Variants in IGLON5 observed in about 807,000 individuals in gnomAD.
IGLON5 encodes the protein IgLON family member 5, also known as Ig-like domain-containing protein ENSP00000270642.
A neutral mutation model predicts 38.2 loss-of-function variants in IGLON5; 16 were observed. The observed-to-expected ratio is 0.42, with a 90% CI of 0.28 to 0.64. The LOEUF (loss-of-function observed/expected upper bound fraction) is 0.64, where lower values mean the gene tolerates loss of function less well. IGLON5 is among the 30% of genes least tolerant of loss of function. The probability of loss-of-function intolerance (pLI) is 0.23; values close to 1 mark genes in which losing one functional copy is unlikely to be tolerated. For missense variants in IGLON5, 366 were observed against 483.4 expected, an observed-to-expected ratio of 0.76 and a Z score of 2.28; for synonymous variants, 207 against 216.4, an observed-to-expected ratio of 0.96 and a Z score of 0.38.
intron 1 of IGLON5, among the ~76,000 whole-genome samples, chr19:51,321,605 T>C (rs1031006285): frequency 2.0e-5 from 3 of 152,248 alleles, no homozygotes; most frequent in Non-Finnish European, 4.4e-5. Flanking sequence ...GTATGTCTTA[T>C]GTGTACATGT....
chr19:51,322,019 G>A, intron 1 of IGLON5, 45 bp from the exon 2 acceptor site: 1 of 1,514,986 alleles, frequency 6.6e-7, no homozygotes, highest in Non-Finnish European at 9.1e-7. Context: ...CCATGCCCGG[G>A]CCTTGCCTGA....
At chr19:51,320,237 A>T (rs1346805603) in intron 1 of IGLON5, among the ~76,000 whole-genome samples, 1 of 152,182 alleles carries the variant, frequency 6.6e-6, no homozygotes, top group Non-Finnish European at 1.5e-5. Context: ...CCCAGCCCCA[A>T]GCCCCAGAGC....
chr19:51,330,403 C>T lies in IGLON5; in HGVS notation c.*1644C>T, dbSNP rs1403713108. On this transcript the variant is annotated 3_prime_UTR_variant, in exon 8 of 8. Coordinates refer to ENST00000270642, the MANE Select transcript of IGLON5 (RefSeq NM_001101372.3). ...ATTAAGGATTAGAGTTAATGAAGGG[C>T]AAAGGGTAGCAGTCAATTGGTGGTG... 2 of 152,268 alleles carry T rather than the reference C, an allele frequency of 1.3e-5. No individual in the cohort carries two copies. Among genetic ancestry groups the T allele is most frequent in the Non-Finnish European group, 2.9e-5 (2 of 68,064 alleles). 9.4% of individuals were successfully genotyped at this position (152,268 alleles called of 1,614,324 possible).
chr19:51,314,972 G>C (rs960572631), intron 1 of IGLON5, among the ~76,000 whole-genome samples: 112 of 152,160 alleles, frequency 7.4e-4, no homozygotes, highest in African/African-American at 2.7e-3. Context: ...GTGATGGATT[G>C]GTTGGTTTGT....
chr19:51,317,931 C>T (rs758650305), intron 1 of IGLON5, among the ~76,000 whole-genome samples: 1 of 152,184 alleles, frequency 6.6e-6, no homozygotes, highest in Non-Finnish European at 1.5e-5. Flanking sequence ...GATCTTCCAA[C>T]CCTAGCTCCT....
At chr19:51,322,335 G>T (rs1018934166) in intron 2 of IGLON5, among the ~76,000 whole-genome samples, 193 bp downstream of exon 2, 2 of 152,176 alleles carry the variant, frequency 1.3e-5, no homozygotes, top group African/African-American at 4.8e-5. Context: ...TGTCAAAGGG[G>T]TGGAGAGAGG....
At position 51,324,225 on chromosome 19, in the gene IGLON5, G is replaced by A. The variant is rs1272111362; in HGVS notation, c.391+331G>A. 6.6e-6 allele frequency among the ~76,000 whole-genome samples: 1 copy of A among 152,200 alleles called. No homozygotes were observed. The highest frequency in any genetic ancestry group is 1.5e-5 in the Non-Finnish European group (1 of 68,036). ...CAAGGCAGGCTGTCCCCACACCTTGGGAGCTGATTTTCTGAGGACAGGCTC... is the reference window on the plus strand; with the variant it reads ...CAAGGCAGGCTGTCCCCACACCTTGAGAGCTGATTTTCTGAGGACAGGCTC... On this transcript the variant is annotated intron_variant, in intron 3 of 7. Coordinates refer to ENST00000270642, the MANE Select transcript of IGLON5 (RefSeq NM_001101372.3). The surrounding 1 kb of genome is among the most constrained non-coding windows in gnomAD (Gnocchi z 4.2).
chr19:51,323,596 C>G, intron 2 of IGLON5, 66 bp from the exon 3 acceptor site: 1 of 1,399,962 alleles, frequency 7.1e-7, no homozygotes. Flanking sequence ...CCCACCCACC[C>G]CCTCGGTGGG....
chr19:51,323,620 T>A (rs1417215268), intron 2 of IGLON5, 42 bp from the exon 3 acceptor site: 1 of 1,542,492 alleles, frequency 6.5e-7, no homozygotes, highest in African/African-American at 1.4e-5. Flanking sequence ...AGCCTCAGGC[T>A]GGGTGGGTGG....
chr19:51,328,484 C>G lies in IGLON5; in HGVS notation c.923-187C>G, dbSNP rs188224245. On this transcript the variant is annotated intron_variant, in intron 7 of 7. Transcript: ENST00000270642. ...CCGAGATTGCGCCTGGGTGACAGAG[C>G]GAGACTCCGTCTCAAAAAAAGAAAA... is the stretch of plus-strand genomic sequence containing the variant. Among the ~76,000 whole-genome samples, 227 of 144,202 alleles carry G rather than the reference C, an allele frequency of 1.6e-3. 4 individuals are homozygous for G. The Middle Eastern group carries it at 0.018, about 12-fold the overall frequency. The allele number at this position is 144,202 out of a possible 152,430, so 94.6% of individuals were successfully genotyped here.
rs1985183163 is a variant in IGLON5, at chr19:51,325,214, G to T, written c.392-132G>T. 2 of 1,300,030 alleles carry T rather than the reference G, an allele frequency of 1.5e-6. No individual in the cohort carries two copies. The highest frequency in any genetic ancestry group is 2.7e-5 in the South Asian group (2 of 74,796). The allele number at this position is 1,300,030 out of a possible 1,614,324, so 80.5% of individuals were successfully genotyped here. On this transcript the variant is annotated intron_variant, in intron 3 of 7. Transcript: ENST00000270642. The surrounding 1 kb of genome is among the most constrained non-coding windows in gnomAD (Gnocchi z 5.5). ...GAACTCCCGGGTCTGAGGGAGGAGG[G>T]GCTGGGGGTCTGAACTCCTGGGTCT... is the stretch of plus-strand genomic sequence containing the variant.
rs1985250183 is a variant in IGLON5 at position 51,327,649 on chromosome 19, A to G, written c.768-83A>G. ...GGGGTAGGGGGCAGAATGCTGGGTC[A>G]CCGGGGAACGGAGGAGCCTGAGAGT... On this transcript the variant is annotated intron_variant, in intron 6 of 7. Coordinates refer to ENST00000270642, the MANE Select transcript of IGLON5 (RefSeq NM_001101372.3). This position sits in a 1 kb window ranked among gnomAD's most constrained non-coding sequence, Gnocchi z 7.1. 6.6e-7 allele frequency: 1 copy of G among 1,521,198 alleles called. No individual in the cohort carries two copies. Among genetic ancestry groups the G allele is most frequent in the Non-Finnish European group, 8.8e-7 (1 of 1,138,788 alleles). 94.2% of individuals were successfully genotyped at this position (1,521,198 alleles called of 1,614,324 possible).
intron 1 of IGLON5, among the ~76,000 whole-genome samples, 200 bp downstream of exon 1, chr19:51,312,126 C>G (rs1045228679): frequency 6.6e-6 from 1 of 151,888 alleles, no homozygotes. Context: ...GTCCGCGCCC[C>G]GGGGCAGGGG....
At chr19:51,322,269 C>A in intron 2 of IGLON5, 127 bp downstream of exon 2, 2 of 737,506 alleles carry the variant, frequency 2.7e-6, no homozygotes, top group South Asian at 3.1e-5. Context: ...TCCACATTCC[C>A]CCTCAGTAGC....
At chr19:51,320,063 G>A (rs1012344323) in intron 1 of IGLON5, among the ~76,000 whole-genome samples, 7 of 152,088 alleles carry the variant, frequency 4.6e-5, no homozygotes, top group African/African-American at 1.7e-4. Context: ...GCGTGCACGC[G>A]TGCATCCATC....
At chr19:51,320,531 A>T (rs1302393247) in intron 1 of IGLON5, among the ~76,000 whole-genome samples, 2 of 152,294 alleles carry the variant, frequency 1.3e-5, no homozygotes, top group Non-Finnish European at 2.9e-5. Context: ...GCCACGGTCT[A>T]CAGAGAGATG....
chr19:51,326,648 G>T, intron 4 of IGLON5, 116 bp from the exon 5 acceptor site: 1 of 266,858 alleles, frequency 3.7e-6, no homozygotes. Context: ...CATTGACCCG[G>T]GCACTCCAGG....
chr19:51,328,917 T>C lies in IGLON5; in HGVS notation c.*158T>C, dbSNP rs1985281697. The C allele has an allele frequency of 1.8e-6, 1 of 544,708 alleles. No homozygotes were observed. Among genetic ancestry groups the C allele is most frequent in the Non-Finnish European group, 3.3e-6 (1 of 307,316 alleles). 33.7% of individuals were successfully genotyped at this position (544,708 alleles called of 1,614,324 possible). A position where few individuals can be genotyped will look rare whatever the true frequency, so the allele number is the denominator to read the frequency against. On this transcript the variant is annotated 3_prime_UTR_variant, in exon 8 of 8. Transcript: ENST00000270642. ...AGAGGAGGAGGCAGAGGAAGAAAGA[T>C]CTTCAGAGAACCCATCACTGTGAGG...
chr19:51,311,905 G>T lies in IGLON5; in HGVS notation c.58G>T (p.Gly20Cys). Residue 20 changes from glycine (G) to cysteine (C), a missense_variant, in exon 1 of 8, where the codon GGC (glycine) becomes TGC (cysteine). Coordinates refer to ENST00000270642, the MANE Select transcript of IGLON5 (RefSeq NM_001101372.3). Reference sequence around the variant, plus strand: ...GCTTCTCGCCGCCGCCGCCCTGGCCGGCTTGGCCGTCATCAGCCGAGGTAC... The same window carrying T: ...GCTTCTCGCCGCCGCCGCCCTGGCCTGCTTGGCCGTCATCAGCCGAGGTAC... Reference protein sequence around the residue: ...LRLLAAAALAGLAVISRGLLS... With the variant: ...LRLLAAAALACLAVISRGLLS... 1.5e-6 allele frequency: 2 copies of T among 1,364,922 alleles called. No individual in the cohort carries two copies. Among genetic ancestry groups the T allele is most frequent in the Non-Finnish European group, 1.9e-6 (2 of 1,054,878 alleles). The allele number at this position is 1,364,922 out of a possible 1,614,324, so 84.6% of individuals were successfully genotyped here.
Sources: gnomAD v4.1 joint callset for allele counts (sites outside exome capture counted in the v4.1 genomes callset) on GRCh38, gnomAD v4.1.1 for gene constraint, Gnocchi (gnomAD v3.1) non-coding constraint, MANE v1.5 for transcripts, NCBI Gene and HGNC (gene_info 2026-07-23, HGNC 2026-07-21) for gene names.